The following CUL9 variants were observed in gnomAD, a reference collection of about 807,000 sequenced individuals.
CUL9 encodes the protein cullin-9.
A neutral mutation model predicts 272.6 loss-of-function variants in CUL9; 79 were observed. That is an observed-to-expected ratio of 0.29 (90% CI 0.24 to 0.35). The LOEUF is 0.35. Ranked by LOEUF, CUL9 falls within the 10% of genes least tolerant of loss-of-function variation. The pLI, the probability that CUL9 is intolerant of heterozygous loss-of-function variation, is 1.00. For missense variants in CUL9, 2,532 were observed against 3,255.6 expected, an observed-to-expected ratio of 0.78 and a Z score of 5.41; for synonymous variants, 1,186 against 1,286.5, an observed-to-expected ratio of 0.92 and a Z score of 1.67.
In CUL9 at chr6:43,213,563, C is replaced by T. The variant is rs369233263; in HGVS notation, c.5484C>T (p.His1828=). 144 of 1,610,332 alleles carry T rather than the reference C, an allele frequency of 8.9e-5. No individual in the cohort carries two copies. Among genetic ancestry groups the T allele is most frequent in the Non-Finnish European group, 1.1e-4 (134 of 1,179,124 alleles). ...LTLHEGQDFP[H]GGVLRLHEPG... is the part of the protein sequence containing the mutation. ...TGCATGAGGGCCAGGACTTTCCACA[C>T]GGGGGTAGGTCATTGGGGGCCGGGC... The change falls in exon 28 of 41, where the codon CAC becomes CAT. Residue 1828 remains histidine, a synonymous_variant. Coordinates refer to ENST00000252050, the MANE Select transcript of CUL9 (RefSeq NM_015089.4). The surrounding 1 kb of genome is among the most constrained non-coding windows in gnomAD (Gnocchi z 5.7).
Position 43,206,114 on chromosome 6 carries a change from T to C in CUL9, c.4901T>C (p.Leu1634Pro), listed in dbSNP as rs1775026332. ...CFPNRLPQLM[L>P]QSLSTSEELQ... Reference sequence around the variant, plus strand: ...CCCAACCGCCTCCCACAGCTGATGCTGCAGAGCCTGAGCACCTCTGAGGAG... The same window carrying C: ...CCCAACCGCCTCCCACAGCTGATGCCGCAGAGCCTGAGCACCTCTGAGGAG... The change falls in exon 25 of 41, where the codon CTG becomes CCG. Residue 1634 changes from leucine (L) to proline (P), a missense_variant. This residue lies in a region of CUL9 where 2,218 missense variants were observed against 2,788.6 expected (regional missense o/e 0.80). Coordinates refer to ENST00000252050, the MANE Select transcript of CUL9 (RefSeq NM_015089.4). The surrounding 1 kb of genome is among the most constrained non-coding windows in gnomAD (Gnocchi z 4.8). The C allele has an allele frequency of 2.5e-6, 4 of 1,614,194 alleles. No individual in the cohort carries two copies. Among genetic ancestry groups the C allele is most frequent in the Non-Finnish European group, 3.4e-6 (4 of 1,180,034 alleles).
At position 43,184,298 on chromosome 6, in the gene CUL9, C is replaced by G. The variant is rs763595275; in HGVS notation, c.-9-4C>G. 6.8e-7 allele frequency: 1 copy of G among 1,465,178 alleles called. No homozygotes were observed. Among genetic ancestry groups the G allele is most frequent in the South Asian group, 1.5e-5 (1 of 68,518 alleles). 90.8% of individuals were successfully genotyped at this position (1,465,178 alleles called of 1,614,324 possible). ...TGCCTTATCTTTCTCCTTGTGTATC[C>G]CAGGAGGTCAGGATGGTGGGGGAAC... On this transcript the variant is annotated splice_polypyrimidine_tract_variant and splice_region_variant and intron_variant, in intron 1 of 40. Transcript: ENST00000252050. This position sits in a 1 kb window ranked among gnomAD's most constrained non-coding sequence, Gnocchi z 4.8.
intron 10 of CUL9, 128 bp downstream of exon 10, chr6:43,196,393 C>T (rs1335215848): frequency 1.8e-5 from 18 of 979,850 alleles, no homozygotes; most frequent in Admixed American, 5.3e-5. Flanking sequence ...GCATTGGTGG[C>T]GCTGCCAACT....
At position 43,222,797 on chromosome 6, in the gene CUL9, G is replaced by A. The variant is rs1458331166; in HGVS notation, c.7051G>A (p.Val2351Met). ...QARKVLAYAC[V>M]YSFYSQDAEY... ...CCTGCAGGTGCTGGCCTACGCCTGC[G>A]TGTACAGCTTCTACAGCCAGGACGC... Residue 2351 changes from valine (V) to methionine (M), a missense_variant, in exon 38 of 41, where the codon GTG (valine) becomes ATG (methionine). By Grantham distance (21) the Val-to-Met change is conservative. Transcript: ENST00000252050. 5 of 1,613,920 alleles carry A rather than the reference G, an allele frequency of 3.1e-6. No homozygotes were observed. The highest frequency in any genetic ancestry group is 2.2e-5 in the South Asian group (2 of 91,088).
At position 43,213,525 on chromosome 6, in the gene CUL9, G is replaced by A; in HGVS notation, c.5446G>A (p.Gly1816Ser). 3 of 1,613,124 alleles carry A rather than the reference G, an allele frequency of 1.9e-6. No individual in the cohort carries two copies. The highest frequency in any genetic ancestry group is 2.5e-6 in the Non-Finnish European group (3 of 1,179,750). Residue 1816 changes from glycine to serine, a missense_variant, in exon 28 of 41, where the codon GGC becomes AGC. By Grantham distance (56) the Gly-to-Ser change is moderately conservative. Transcript: ENST00000252050. The surrounding 1 kb of genome is among the most constrained non-coding windows in gnomAD (Gnocchi z 5.7). ...QALVPLTSGN[G>S]PLTLHEGQDF... The stretch of plus-strand genomic sequence containing the variant: ...ACTCGTGCCCCTCACCTCAGGGAAT[G>A]GCCCTTTGACCCTGCATGAGGGCCA...
intron 4 of CUL9, 166 bp from the exon 5 acceptor site, chr6:43,186,794 A>G (rs1379744833): frequency 1.2e-6 from 1 of 803,042 alleles, no homozygotes; most frequent in Non-Finnish European, 1.9e-6. Flanking sequence ...CTGATAAGGG[A>G]AGGAAGCCTT....
rs1776077882 is a variant in CUL9 at position 43,218,317 on chromosome 6, A to G, written c.6282+1814A>G. Reference sequence around the variant, plus strand: ...TTGCAACCTCCATCTCCCGGGTTCAAGCGATTCTTCTGCCTCAGCCTCCCG... The same window carrying G: ...TTGCAACCTCCATCTCCCGGGTTCAGGCGATTCTTCTGCCTCAGCCTCCCG... On this transcript the variant is annotated intron_variant, in intron 31 of 40. Transcript: ENST00000252050. The surrounding 1 kb of genome is among the most constrained non-coding windows in gnomAD (Gnocchi z 4.4). Among the ~76,000 whole-genome samples, 1 of 152,012 alleles carries G rather than the reference A, an allele frequency of 6.6e-6. No individual in the cohort carries two copies. The highest frequency in any genetic ancestry group is 2.4e-5 in the African/African-American group (1 of 41,376).
chr6:43,221,037 C>A lies in CUL9; in HGVS notation c.6589-121C>A. 2 of 1,470,220 alleles carry A rather than the reference C, an allele frequency of 1.4e-6. No individual in the cohort carries two copies. Among genetic ancestry groups the A allele is most frequent in the Non-Finnish European group, 1.8e-6 (2 of 1,096,510 alleles). 91.1% of individuals were successfully genotyped at this position (1,470,220 alleles called of 1,614,324 possible). On this transcript the variant is annotated intron_variant, in intron 33 of 40. Coordinates refer to ENST00000252050, the MANE Select transcript of CUL9 (RefSeq NM_015089.4). This position sits in a 1 kb window ranked among gnomAD's most constrained non-coding sequence, Gnocchi z 4.2. ...CCTCAGCCTCTGCCACCCAGTTGAG[C>A]TCTGTTCCTCTTCCTGGAGCCCTCC...
intron 8 of CUL9, among the ~76,000 whole-genome samples, chr6:43,190,404 T>C (rs922610191): frequency 3.3e-5 from 5 of 152,184 alleles, no homozygotes; most frequent in Non-Finnish European, 7.3e-5. Context: ...TCCTTTGTTA[T>C]TTATGTTCCA....
chr6:43,186,784 C>A, intron 4 of CUL9, 176 bp from the exon 5 acceptor site: 1 of 758,912 alleles, frequency 1.3e-6, no homozygotes, highest in Non-Finnish European at 2.1e-6. Flanking sequence ...GGGCCCACTC[C>A]TGATAAGGGA....
At position 43,191,184 on chromosome 6, in the gene CUL9, C is replaced by T. The variant is rs559047533; in HGVS notation, c.2181-1817C>T. 4.0e-5 allele frequency among the ~76,000 whole-genome samples: 6 copies of T among 148,490 alleles called. No individual in the cohort carries two copies. In the East Asian group the frequency reaches 9.8e-4, roughly 24 times the overall value. On this transcript the variant is annotated intron_variant, in intron 8 of 40. Coordinates refer to ENST00000252050, the MANE Select transcript of CUL9 (RefSeq NM_015089.4). ...AAAATTCATTTGCAGTTTATTTTTG[C>T]AAATGTTGTGAAATAGAGCTCCAGC...
rs1350879566 is a variant in CUL9 at position 43,213,925 on chromosome 6, G to T, written c.5688+13G>T. 1 of 1,613,856 alleles carries T rather than the reference G, an allele frequency of 6.2e-7. No homozygotes were observed. Among genetic ancestry groups the T allele is most frequent in the East Asian group, 2.2e-5 (1 of 44,890 alleles). On this transcript the variant is annotated intron_variant, in intron 29 of 40. Coordinates refer to ENST00000252050, the MANE Select transcript of CUL9 (RefSeq NM_015089.4). The surrounding 1 kb of genome is among the most constrained non-coding windows in gnomAD (Gnocchi z 5.7). ...GCTGGTTTGTCTGGTAGGCAGAGAG[G>T]GGACCATGAAGTTGGCGGAGGGAGG...
rs990274069 is a variant in CUL9 at position 43,203,002 on chromosome 6, G to A, written c.3754-107G>A. Reference sequence around the variant, plus strand: ...CCACGTCCATCCCTAGGCTCTGCGGGAGAAGTGAAGGGCACACACCATGAC... The same window carrying A: ...CCACGTCCATCCCTAGGCTCTGCGGAAGAAGTGAAGGGCACACACCATGAC... On this transcript the variant is annotated intron_variant, in intron 17 of 40. Transcript: ENST00000252050. This position sits in a 1 kb window ranked among gnomAD's most constrained non-coding sequence, Gnocchi z 5.0. 8.3e-6 allele frequency: 11 copies of A among 1,322,424 alleles called. No individual in the cohort carries two copies. The highest frequency in any genetic ancestry group is 3.6e-5 in the Admixed American group (2 of 56,048). The allele number at this position is 1,322,424 out of a possible 1,614,324, so 81.9% of individuals were successfully genotyped here.
In CUL9 at chr6:43,199,246, C is replaced by A; in HGVS notation, c.3051-20C>A. The A allele has an allele frequency of 6.3e-7, 1 of 1,597,626 alleles. No homozygotes were observed. The highest frequency in any genetic ancestry group is 1.1e-5 in the South Asian group (1 of 90,666). ...CCACTGTGCCTGGCCTGACTTCACT[C>A]GTTTCTACCCCCTCACCAGGGTCAT... is the stretch of plus-strand genomic sequence containing the variant. On this transcript the variant is annotated intron_variant, in intron 12 of 40. Transcript: ENST00000252050. The surrounding 1 kb of genome is among the most constrained non-coding windows in gnomAD (Gnocchi z 4.4).
chr6:43,217,008 A>G (rs1361912980), intron 31 of CUL9, among the ~76,000 whole-genome samples: 2 of 152,214 alleles, frequency 1.3e-5, no homozygotes, highest in Non-Finnish European at 2.9e-5. Flanking sequence ...AAGTCCCCAC[A>G]TCTCAGTGCA....
Position 43,222,310 on chromosome 6 carries a change from T to C in CUL9, c.6847-6T>C. The C allele has an allele frequency of 2.5e-6, 4 of 1,613,890 alleles. No homozygotes were observed. The highest frequency in any genetic ancestry group is 3.4e-6 in the Non-Finnish European group (4 of 1,179,758). The stretch of plus-strand genomic sequence containing the variant: ...CCCAATAGCCCTCCCAACGTATCCT[T>C]GCTAGGTAAGCAAGGCAGCTCGCCA... On this transcript the variant is annotated splice_polypyrimidine_tract_variant and splice_region_variant and intron_variant, in intron 35 of 40. Transcript: ENST00000252050.
At chr6:43,192,600 C>T (rs1773627903) in intron 8 of CUL9, among the ~76,000 whole-genome samples, 3 of 152,172 alleles carry the variant, frequency 2.0e-5, no homozygotes, top group Non-Finnish European at 4.4e-5. Context: ...CACGTAAACC[C>T]AGGAGGCAGA....
chr6:43,197,665 G>A (rs915422825), intron 11 of CUL9, among the ~76,000 whole-genome samples: 11 of 151,900 alleles, frequency 7.2e-5, no homozygotes, highest in Non-Finnish European at 4.4e-5. Flanking sequence ...TGTATATTTA[G>A]TAGAGACAGG....
At chr6:43,214,270 A>G (rs1225797355) in intron 29 of CUL9, among the ~76,000 whole-genome samples, 4 of 152,106 alleles carry the variant, frequency 2.6e-5, no homozygotes, top group Non-Finnish European at 4.4e-5. Context: ...AAATATAAAA[A>G]TTAGCTGGGC....
Sources: allele counts gnomAD v4.1 joint callset (sites outside exome capture counted in the v4.1 genomes callset), GRCh38; gene constraint gnomAD v4.1.1; regional missense constraint gnomAD v4.1.1; non-coding constraint Gnocchi (gnomAD v3.1); transcripts MANE v1.5; gene names NCBI Gene and HGNC (gene_info 2026-07-23, HGNC 2026-07-21).